The following FBXL13 variants were observed in gnomAD, a reference collection of about 807,000 sequenced individuals.
The protein encoded by FBXL13 is F-box and leucine-rich repeat protein 13.
Under a neutral mutation model 83.6 loss-of-function variants are expected in FBXL13, and 67 were observed. The observed-to-expected ratio is 0.80, with a 90% CI of 0.66 to 0.98. FBXL13 has a LOEUF of 0.98. Among genes scored for constraint, FBXL13 ranks in the 50% least tolerant of loss-of-function variants. The probability of loss-of-function intolerance (pLI) is 0.00; values close to 1 mark genes in which losing one functional copy is unlikely to be tolerated. For synonymous variants in FBXL13, 272 were observed against 299.5 expected (o/e 0.91, Z 0.95); for missense variants, 822 against 866.5 (o/e 0.95, Z 0.64).
intron 17 of FBXL13, among the ~76,000 whole-genome samples, chr7:102,842,159 C>CGA (rs781615769): frequency 1.3e-5 from 2 of 152,186 alleles, no homozygotes; most frequent in Non-Finnish European, 2.9e-5. Flanking sequence ...TCCACCTCCC[C>CGA]ATACAAGAGA....
At chr7:102,955,717 C>G (rs988630938) in intron 8 of FBXL13, among the ~76,000 whole-genome samples, 7 of 151,902 alleles carry the variant, frequency 4.6e-5, no homozygotes, top group African/African-American at 9.7e-5. Context: ...ACCAATCCCA[C>G]AGAAATACAA....
intron 16 of FBXL13, 31 bp downstream of exon 17, chr7:102,877,436 A>G: frequency 4.0e-6 from 6 of 1,504,324 alleles, no homozygotes; most frequent in Non-Finnish European, 4.5e-6. Context: ...GAAAACAATA[A>G]AAGTCATTGT....
At chr7:103,041,916 A>C (rs1795751849) in intron 2 of FBXL13, among the ~76,000 whole-genome samples, 1 of 152,240 alleles carries the variant, frequency 6.6e-6, no homozygotes, top group Non-Finnish European at 1.5e-5. Flanking sequence ...CTGGCACAAG[A>C]CAAGGATGCC....
intron 17 of FBXL13, among the ~76,000 whole-genome samples, chr7:102,851,571 CTT>C (rs869115552): frequency 7.0e-6 from 1 of 142,516 alleles, no homozygotes; most frequent in Non-Finnish European, 1.5e-5. Context: ...CTCTCTCTCT[CTT>C]TCTCTTTCTT....
chr7:102,811,581 G>C (rs2129444353), downstream of FBXL13, among the ~76,000 whole-genome samples: 1 of 152,330 alleles, frequency 6.6e-6, no homozygotes, highest in South Asian at 2.1e-4. Context: ...CAACCTGCTA[G>C]GTTTCTGGAG....
chr7:103,047,287 T>G (rs557972365), intron 2 of FBXL13, among the ~76,000 whole-genome samples: 1 of 152,198 alleles, frequency 6.6e-6, no homozygotes, highest in African/African-American at 2.4e-5. Flanking sequence ...AGTCATGGAA[T>G]GCAGAGCCTT....
rs1345768417 is a variant in FBXL13 at position 102,949,787 on chromosome 7, T to C, written c.724+13746A>G. On this transcript the variant is annotated intron_variant, in intron 8 of 19. Coordinates refer to ENST00000313221, the Ensembl canonical transcript of FBXL13. ...GACCTCAGATACATATACAAACATATACATCCTATGTATAGTGGTTAAAAC... is the reference window on the plus strand; with the variant it reads ...GACCTCAGATACATATACAAACATACACATCCTATGTATAGTGGTTAAAAC... 3.3e-5 allele frequency among the ~76,000 whole-genome samples: 5 copies of C among 152,156 alleles called. No individual in the cohort carries two copies. The East Asian group carries it at 9.6e-4, about 29-fold the overall frequency.
chr7:103,040,466 C>A (rs1339893606), intron 2 of FBXL13, among the ~76,000 whole-genome samples: 1 of 152,132 alleles, frequency 6.6e-6, no homozygotes. Flanking sequence ...AGCTCTGGAC[C>A]AAGGAGACCT....
At chr7:102,952,943 C>T (rs940456567) in intron 8 of FBXL13, among the ~76,000 whole-genome samples, 10 of 152,264 alleles carry the variant, frequency 6.6e-5, no homozygotes, top group African/African-American at 2.2e-4. Context: ...AAGATTGCAC[C>T]ACTGAACTCC....
At position 102,834,101 on chromosome 7, in the gene FBXL13, A is replaced by G. The variant is rs1416361958; in HGVS notation, c.1720-1127T>C. Among the ~76,000 whole-genome samples the G allele has an allele frequency of 2.0e-3, 210 of 104,972 alleles. 4 individuals are homozygous for G. Among genetic ancestry groups the G allele is most frequent in the African/African-American group, 5.0e-3 (114 of 22,690 alleles). 68.9% of individuals were successfully genotyped at this position (104,972 alleles called of 152,430 possible). A position where few individuals can be genotyped will look rare whatever the true frequency, so the allele number is the denominator to read the frequency against. Reference sequence around the variant, plus strand: ...GGAAGGAAAGAAAAGAAAGAAAGAAAGAAAGAAAGAAAGAAAGAAAGAAAG... The same window carrying G: ...GGAAGGAAAGAAAAGAAAGAAAGAAGGAAAGAAAGAAAGAAAGAAAGAAAG... On this transcript the variant is annotated intron_variant, in intron 17 of 19. Transcript: ENST00000313221.
intron 6 of FBXL13, among the ~76,000 whole-genome samples, chr7:102,984,135 C>T (rs1235035103): frequency 2.0e-5 from 3 of 152,132 alleles, no homozygotes; most frequent in South Asian, 4.2e-4. Flanking sequence ...CAGATAACAC[C>T]GTGAAACATC....
chr7:102,999,415 T>C (rs1238626298), intron 6 of FBXL13, among the ~76,000 whole-genome samples: 1 of 152,228 alleles, frequency 6.6e-6, no homozygotes, highest in Non-Finnish European at 1.5e-5. Context: ...AGTATCGGGA[T>C]AATGCTGGCC....
At chr7:102,877,522 A>C (rs1809429768) in exon 16 of FBXL13, 1 of 1,611,230 alleles carries the variant, frequency 6.2e-7, no homozygotes, top group Non-Finnish European at 8.5e-7. Context: ...AAAGATGTTT[A>C]CAATATATCC....
At chr7:102,835,603 G>GT (rs776220490) in intron 17 of FBXL13, among the ~76,000 whole-genome samples, 47,694 of 95,866 alleles carry the variant, frequency 0.5, 14,277 homozygotes, top group Non-Finnish European at 0.55. Flanking sequence ...AGGTGACATT[G>GT]TTTTTTTTTT....
intron 2 of FBXL13, among the ~76,000 whole-genome samples, chr7:103,032,109 G>T (rs531016206): frequency 1.3e-5 from 2 of 152,262 alleles, no homozygotes; most frequent in African/African-American, 4.8e-5. Flanking sequence ...GAGAGAAAAA[G>T]AAGTGAAATA....
At chr7:103,069,445 G>T (rs1393258868) in intron 1 of FBXL13, among the ~76,000 whole-genome samples, 1 of 152,190 alleles carries the variant, frequency 6.6e-6, no homozygotes, top group Non-Finnish European at 1.5e-5. Context: ...ATATATAAAA[G>T]TTGAGGGCCT....
exon 14 of FBXL13, chr7:102,883,387 A>G: frequency 6.2e-7 from 1 of 1,613,828 alleles, no homozygotes; most frequent in Middle Eastern, 1.6e-4. Context: ...ATTCCCTTGC[A>G]GTCAGCCATA....
intron 2 of FBXL13, chr7:103,055,126 T>C (rs1486147628): frequency 1.6e-6 from 2 of 1,289,330 alleles, no homozygotes; most frequent in African/African-American, 3.0e-5. Context: ...TCCAGGTAAG[T>C]TTCAGACAAT....
chr7:102,988,378 C>T (rs919354009), intron 6 of FBXL13: 3 of 152,210 alleles, frequency 2.0e-5, no homozygotes, highest in African/African-American at 7.2e-5. Context: ...CCTCCAGACA[C>T]TGCTGAGTAT....
Sources: gnomAD v4.1 joint callset for allele counts (sites outside exome capture counted in the v4.1 genomes callset) on GRCh38, gnomAD v4.1.1 for gene constraint, MANE v1.5 for transcripts, NCBI Gene and HGNC (gene_info 2026-07-23, HGNC 2026-07-21) for gene names.